DPYD: variants seen among roughly 807,000 people sequenced by gnomAD.
The protein encoded by DPYD is dihydropyrimidine dehydrogenase [NADP(+)].
DPYD carries 109 observed loss-of-function variants against 116.2 expected under a neutral mutation model. The observed-to-expected ratio is 0.94, with a 90% CI of 0.80 to 1.10. The LOEUF is 1.10. DPYD is among the 50% of genes least tolerant of loss of function. The pLI is 0.00. For missense variants in DPYD, 1,302 were observed against 1,254.5 expected, an observed-to-expected ratio of 1.04 and a Z score of -0.57; for synonymous variants, 440 against 432.0, an observed-to-expected ratio of 1.02 and a Z score of -0.23.
At chr1:97,474,246 C>A (rs1418145968) in intron 13 of DPYD, among the ~76,000 whole-genome samples, 1 of 151,832 alleles carries the variant, frequency 6.6e-6, no homozygotes, top group Admixed American at 6.6e-5. Flanking sequence ...ATGTTGTTTA[C>A]CAGAAATGCA....
chr1:97,220,323 C>T (rs1660698834), intron 19 of DPYD, among the ~76,000 whole-genome samples: 1 of 152,176 alleles, frequency 6.6e-6, no homozygotes, highest in Admixed American at 6.5e-5. Context: ...TCAGGACTCT[C>T]CAGAGAGTCT....
intron 13 of DPYD, among the ~76,000 whole-genome samples, chr1:97,495,970 T>C (rs1016194145): frequency 6.6e-6 from 1 of 152,148 alleles, no homozygotes; most frequent in African/African-American, 2.4e-5. Flanking sequence ...ATCATTATAG[T>C]TGGAGAATAA....
intron 3 of DPYD, among the ~76,000 whole-genome samples, chr1:97,783,983 G>T (rs1482926316): frequency 6.6e-6 from 1 of 152,088 alleles, no homozygotes; most frequent in East Asian, 1.9e-4. Flanking sequence ...CACATATCTT[G>T]GCTTAATAAG....
At chr1:97,814,268 G>T (rs1668471873) in intron 3 of DPYD, among the ~76,000 whole-genome samples, 1 of 152,162 alleles carries the variant, frequency 6.6e-6, no homozygotes, top group Non-Finnish European at 1.5e-5. Flanking sequence ...AAAGAGGTTA[G>T]ACATATGGTT....
chr1:97,576,827 C>T (rs978459520), intron 10 of DPYD, among the ~76,000 whole-genome samples: 2 of 152,172 alleles, frequency 1.3e-5, no homozygotes, highest in African/African-American at 4.8e-5. Context: ...TGCATTTTTG[C>T]TTTTGAAACT....
intron 3 of DPYD, among the ~76,000 whole-genome samples, chr1:97,761,048 T>C (rs1282083090): frequency 6.6e-6 from 1 of 152,082 alleles, no homozygotes; most frequent in African/African-American, 2.4e-5. Flanking sequence ...CCTCGTGTGG[T>C]TTCCATAGAT....
At chr1:97,258,006 TTTGAATGCAGA>T (rs775568627) in intron 18 of DPYD, among the ~76,000 whole-genome samples, 1 of 152,042 alleles carries the variant, frequency 6.6e-6, no homozygotes, top group Non-Finnish European at 1.5e-5. Flanking sequence ...TAACTAGCAT[TTTGAATGCAGA>T]GAAGGAATGG....
chr1:97,137,242 C>T (rs1472471910), intron 20 of DPYD, among the ~76,000 whole-genome samples: 1 of 152,210 alleles, frequency 6.6e-6, no homozygotes, highest in African/African-American at 2.4e-5. Context: ...GACCAGCTAA[C>T]ACAGTGCCAC....
At chr1:97,114,138 C>T (rs1355003575) in intron 20 of DPYD, among the ~76,000 whole-genome samples, 1 of 152,088 alleles carries the variant, frequency 6.6e-6, no homozygotes, top group Non-Finnish European at 1.5e-5. Context: ...AAAGAATAAA[C>T]CTTGTTCTAC....
intron 11 of DPYD, among the ~76,000 whole-genome samples, chr1:97,562,665 T>C (rs1326842530): frequency 6.6e-6 from 1 of 152,164 alleles, no homozygotes; most frequent in East Asian, 1.9e-4. Context: ...TGGGAGTAGA[T>C]ATTGAATAAG....
intron 15 of DPYD, among the ~76,000 whole-genome samples, chr1:97,374,344 A>C (rs920748644): frequency 2.0e-5 from 3 of 152,212 alleles, no homozygotes; most frequent in African/African-American, 7.2e-5. Context: ...ATTCATTCTA[A>C]GTATTCTTGG....
chr1:97,614,525 GC>G (rs1656148763), intron 8 of DPYD, among the ~76,000 whole-genome samples: 3 of 152,028 alleles, frequency 2.0e-5, no homozygotes, highest in Admixed American at 1.3e-4. Context: ...CCTAGAAGGG[GC>G]TTAACAAGTC....
chr1:97,420,240 G>A (rs1188411166), intron 14 of DPYD: 1 of 152,218 alleles, frequency 6.6e-6, no homozygotes, highest in Non-Finnish European at 1.5e-5. Flanking sequence ...AGGGCAAGGT[G>A]GCCAACTGAA....
At chr1:97,679,705 C>G (rs1199539679) in intron 7 of DPYD, among the ~76,000 whole-genome samples, 1 of 152,016 alleles carries the variant, frequency 6.6e-6, no homozygotes, top group Non-Finnish European at 1.5e-5. Flanking sequence ...TGATAACGGA[C>G]AGTGTCAAGG....
intron 8 of DPYD, among the ~76,000 whole-genome samples, chr1:97,664,288 A>G (rs1262048826): frequency 6.6e-6 from 1 of 151,988 alleles, no homozygotes; most frequent in Non-Finnish European, 1.5e-5. Context: ...TTTTAAGGTC[A>G]TGAGGGCATA....
intron 12 of DPYD, among the ~76,000 whole-genome samples, chr1:97,540,219 A>G (rs2102052456): frequency 6.6e-6 from 1 of 151,020 alleles, no homozygotes; most frequent in African/African-American, 2.4e-5. Context: ...AACAAGCCCC[A>G]GGTTATTTTA....
chr1:97,874,202 T>C lies in DPYD; in HGVS notation c.150+9062A>G, dbSNP rs140491311. On this transcript the variant is annotated intron_variant, in intron 2 of 22. Coordinates refer to ENST00000370192, the MANE Select transcript of DPYD (RefSeq NM_000110.4). ...TAAATCCTTTGTTAGATGCACTCCCTACATCATAGAACTTCAGAAAAAATG... is the reference window on the plus strand; with the variant it reads ...TAAATCCTTTGTTAGATGCACTCCCCACATCATAGAACTTCAGAAAAAATG... 4.4e-3 allele frequency among the ~76,000 whole-genome samples: 665 copies of C among 152,054 alleles called. 1 individual carries two copies. Among genetic ancestry groups the C allele is most frequent in the Non-Finnish European group, 7.3e-3 (495 of 67,906 alleles).
At chr1:97,505,690 G>A (rs1647277694) in intron 13 of DPYD, among the ~76,000 whole-genome samples, 2 of 151,432 alleles carry the variant, frequency 1.3e-5, no homozygotes, top group South Asian at 4.2e-4. Context: ...ACACACACTC[G>A]AAAAATAGTA....
chr1:97,377,503 C>T (rs1671702146), intron 15 of DPYD, among the ~76,000 whole-genome samples: 1 of 152,260 alleles, frequency 6.6e-6, no homozygotes, highest in Middle Eastern at 3.4e-3. Flanking sequence ...CCTGGTCCTA[C>T]ATTGTCTATA....
Sources: allele counts gnomAD v4.1 joint callset (sites outside exome capture counted in the v4.1 genomes callset), GRCh38; gene constraint gnomAD v4.1.1; transcripts MANE v1.5; gene names NCBI Gene and HGNC (gene_info 2026-07-23, HGNC 2026-07-21).